Variants in ATF6 observed in about 807,000 individuals in gnomAD.
ATF6 encodes activating transcription factor 6, also known as cyclic AMP-dependent transcription factor ATF-6 alpha.
In ATF6, 53 loss-of-function variants were observed where a neutral mutation model predicts 83.6. The observed-to-expected ratio is 0.63, with a 90% CI of 0.51 to 0.80. The LOEUF is 0.80. ATF6 is among the 30% of genes least tolerant of loss of function. ATF6 has a pLI of 0.00. For missense variants in ATF6, 744 were observed against 797.9 expected, an observed-to-expected ratio of 0.93 and a Z score of 0.81; for synonymous variants, 288 against 285.8, an observed-to-expected ratio of 1.01 and a Z score of -0.08.
Position 161,802,263 on chromosome 1 carries a change from C to T in ATF6, c.900C>T (p.Val300=), listed in dbSNP as rs1435028535. Residue 300 remains valine, a synonymous_variant, in exon 7 of 16, where the codon GTC becomes GTT. Transcript: ENST00000367942. Reference sequence around the variant, plus strand: ...TCCTACAAAGTACCATGAGAAATGTCGGTTCAGATGTAAGTTTTGAAACTT... The same window carrying T: ...TCCTACAAAGTACCATGAGAAATGTTGGTTCAGATGTAAGTTTTGAAACTT... ...KPVLQSTMRN[V]GSDIAVLRRQ... 5.0e-6 allele frequency: 8 copies of T among 1,613,478 alleles called. No homozygotes were observed. The highest frequency in any genetic ancestry group is 1.6e-4 in the Middle Eastern group (1 of 6,078).
chr1:161,851,547 G>C (rs1288384601), intron 10 of ATF6, among the ~76,000 whole-genome samples, 175 bp from the exon 11 acceptor site: 1 of 152,096 alleles, frequency 6.6e-6, no homozygotes, highest in Non-Finnish European at 1.5e-5. Flanking sequence ...TAGAAAATCA[G>C]AAAATGACAT....
rs369238623 is a variant in ATF6 at position 161,893,154 on chromosome 1, T to TTTTC, written c.1720-19122_1720-19119dup. Among the ~76,000 whole-genome samples the TTTTC allele has an allele frequency of 2.4e-4, 37 of 152,020 alleles. 1 individual carries two copies. The highest frequency in any genetic ancestry group is 1.4e-4 in the African/African-American group (6 of 41,396). On this transcript the variant is annotated intron_variant, in intron 14 of 15. Transcript: ENST00000367942. The stretch of plus-strand genomic sequence containing the variant: ...ATACACTGGTTTAGCGGAAACTTTA[T>TTTTC]TTTCTTTCTTTCTTTCTTTCTTTTT...
At chr1:161,848,651 A>G (rs1331302556) in intron 10 of ATF6, among the ~76,000 whole-genome samples, 1 of 152,148 alleles carries the variant, frequency 6.6e-6, no homozygotes, top group Non-Finnish European at 1.5e-5. Flanking sequence ...TCTTGGATAA[A>G]TGAGAAAGGA....
At chr1:161,850,733 T>C (rs1686599275) in intron 10 of ATF6, among the ~76,000 whole-genome samples, 1 of 152,184 alleles carries the variant, frequency 6.6e-6, no homozygotes, top group Non-Finnish European at 1.5e-5. Context: ...TGTTCAGTTT[T>C]ATATGTTTAC....
intron 15 of ATF6, among the ~76,000 whole-genome samples, chr1:161,928,132 G>GAT (rs1308501236): frequency 1.3e-5 from 2 of 152,164 alleles, no homozygotes; most frequent in Non-Finnish European, 2.9e-5. Flanking sequence ...TTACAGCTGA[G>GAT]ATAACTGAGA....
At chr1:161,847,637 C>T (rs1053105998) in intron 10 of ATF6, among the ~76,000 whole-genome samples, 1 of 151,998 alleles carries the variant, frequency 6.6e-6, no homozygotes, top group Non-Finnish European at 1.5e-5. Flanking sequence ...CTTAACGGTG[C>T]CCCTGAATAT....
chr1:161,931,999 A>G lies in ATF6; in HGVS notation c.1804+19619A>G, dbSNP rs145270280. Among the ~76,000 whole-genome samples the G allele has an allele frequency of 2.8e-3, 425 of 152,320 alleles. 1 individual carries two copies. Among genetic ancestry groups the G allele is most frequent in the African/African-American group, 9.9e-3 (412 of 41,574 alleles). On this transcript the variant is annotated intron_variant, in intron 15 of 15. Transcript: ENST00000367942. ...AACTAAACTCTAATTTAAGTCTATA[A>G]TAGAAAAGAGTAATTGCTATAGGAA...
chr1:161,817,730 CT>C (rs1267425532), intron 7 of ATF6, among the ~76,000 whole-genome samples: 6 of 152,096 alleles, frequency 3.9e-5, no homozygotes, highest in Non-Finnish European at 8.8e-5. Context: ...TGGCAGATCA[CT>C]TGGTTGGCTT....
At chr1:161,893,849 G>A (rs1687612853) in intron 14 of ATF6, among the ~76,000 whole-genome samples, 1 of 152,000 alleles carries the variant, frequency 6.6e-6, no homozygotes, top group Admixed American at 6.6e-5. Flanking sequence ...ATCATCTTTT[G>A]CTTGTTTCTT....
chr1:161,832,468 C>G (rs1686089649), intron 9 of ATF6, among the ~76,000 whole-genome samples: 1 of 152,024 alleles, frequency 6.6e-6, no homozygotes, highest in Admixed American at 6.5e-5. Flanking sequence ...ATTGCCTCAC[C>G]CAGGAAGTGC....
intron 7 of ATF6, among the ~76,000 whole-genome samples, chr1:161,806,279 G>C (rs1223975392): frequency 6.6e-6 from 1 of 152,136 alleles, no homozygotes; most frequent in African/African-American, 2.4e-5. Flanking sequence ...CAAACCAAGG[G>C]CTTAAAAACA....
At chr1:161,892,885 G>A (rs1002023800) in intron 14 of ATF6, among the ~76,000 whole-genome samples, 12 of 152,060 alleles carry the variant, frequency 7.9e-5, no homozygotes, top group Non-Finnish European at 1.8e-4. Flanking sequence ...TGATCCACCC[G>A]CCTTGGCCTC....
At chr1:161,783,728 A>T (rs1159067307) in intron 3 of ATF6, among the ~76,000 whole-genome samples, 1 of 152,044 alleles carries the variant, frequency 6.6e-6, no homozygotes, top group African/African-American at 2.4e-5. Context: ...ATTAGTGCAG[A>T]TGCAAGTGTA....
At chr1:161,790,832 AAC>A (rs1216366741) in intron 4 of ATF6, among the ~76,000 whole-genome samples, 2 of 151,940 alleles carry the variant, frequency 1.3e-5, no homozygotes, top group Non-Finnish European at 2.9e-5. Flanking sequence ...CAACAACAAC[AAC>A]AACAACAACA....
chr1:161,911,928 A>C (rs1687999894), intron 14 of ATF6, among the ~76,000 whole-genome samples: 1 of 152,236 alleles, frequency 6.6e-6, no homozygotes, highest in East Asian at 1.9e-4. Context: ...ACTGAAACAC[A>C]GAAAGGATAC....
intron 9 of ATF6, among the ~76,000 whole-genome samples, chr1:161,844,545 A>G (rs1686437423): frequency 6.6e-6 from 1 of 152,160 alleles, no homozygotes; most frequent in South Asian, 2.1e-4. Flanking sequence ...GAGTACTTCC[A>G]CCAAACAGGA....
chr1:161,872,209 C>T (rs12022688), intron 14 of ATF6, among the ~76,000 whole-genome samples: 3 of 151,274 alleles, frequency 2.0e-5, no homozygotes, highest in Non-Finnish European at 3.0e-5. Context: ...AGAAAAAGTC[C>T]GCTGTAGAAA....
chr1:161,853,779 T>A (rs2101828756), intron 12 of ATF6, among the ~76,000 whole-genome samples: 1 of 152,314 alleles, frequency 6.6e-6, no homozygotes, highest in South Asian at 2.1e-4. Flanking sequence ...AGGTCTTACT[T>A]AGAATCTGTT....
intron 15 of ATF6, among the ~76,000 whole-genome samples, chr1:161,954,442 G>A (rs1412853679): frequency 1.3e-5 from 2 of 152,184 alleles, no homozygotes; most frequent in African/African-American, 4.8e-5. Context: ...TAGGGTTAGT[G>A]TTTGATTCTG....
Sources: gnomAD v4.1 joint callset for allele counts (sites outside exome capture counted in the v4.1 genomes callset) on GRCh38, gnomAD v4.1.1 for gene constraint, MANE v1.5 for transcripts, NCBI Gene and HGNC (gene_info 2026-07-23, HGNC 2026-07-21) for gene names.